DNAJC10: variants seen among roughly 807,000 people sequenced by gnomAD.
DNAJC10 encodes DnaJ heat shock protein family (Hsp40) member C10.
DNAJC10 carries 101 observed loss-of-function variants against 115.0 expected under a neutral mutation model. That is an observed-to-expected ratio of 0.88 (90% confidence interval 0.75 to 1.04). The LOEUF is 1.04. Ranked by LOEUF, DNAJC10 falls within the 50% of genes least tolerant of loss-of-function variation. The pLI, the probability that DNAJC10 is intolerant of heterozygous loss-of-function variation, is 0.00. For synonymous variants in DNAJC10, 307 were observed against 301.5 expected (o/e 1.02, Z -0.19); for missense variants, 981 against 928.8 (o/e 1.06, Z -0.73).
rs181259027 is a variant in DNAJC10 at position 182,752,857 on chromosome 2, A to C, written c.1551+669A>C. ...CAGTATGGGAGAACTTTACAGGACA[A>C]ATACCCAGTATATACATTGTATATA... is the stretch of plus-strand genomic sequence containing the variant. On this transcript the variant is annotated intron_variant, in intron 16 of 23. Transcript: ENST00000264065. 1.2e-4 allele frequency among the ~76,000 whole-genome samples: 18 copies of C among 152,296 alleles called. 1 individual carries two copies. The highest frequency in any genetic ancestry group is 1.2e-3 in the Admixed American group (18 of 15,294).
rs1163977509 is a variant in DNAJC10, at chr2:182,784,464, A to C, written c.*7332A>C. On this transcript the variant is annotated 3_prime_UTR_variant, in exon 24 of 24. Transcript: ENST00000264065. ...GTGTCTTATTCCCTGCAGTGTTGGCAGAACCTAGCACATTGTTGACCCGTA... is the reference window on the plus strand; with the variant it reads ...GTGTCTTATTCCCTGCAGTGTTGGCCGAACCTAGCACATTGTTGACCCGTA... 6.6e-6 allele frequency: 1 copy of C among 152,196 alleles called. No individual in the cohort carries two copies. Among genetic ancestry groups the C allele is most frequent in the African/African-American group, 2.4e-5 (1 of 41,456 alleles). The allele number at this position is 152,196 out of a possible 1,614,324, so 9.4% of individuals were successfully genotyped here.
At position 182,759,262 on chromosome 2, in the gene DNAJC10, T is replaced by G; in HGVS notation, c.2100T>G (p.Cys700Trp). The G allele has an allele frequency of 6.2e-7, 1 of 1,610,974 alleles. No individual in the cohort carries two copies. Among genetic ancestry groups the G allele is most frequent in the Non-Finnish European group, 8.5e-7 (1 of 1,179,384 alleles). Reference sequence around the variant, plus strand: ...TGATTGATTTCTATGCTCCTTGGTGTGGACCTTGCCAGAATTTTGCTCCAG... The same window carrying G: ...TGATTGATTTCTATGCTCCTTGGTGGGGACCTTGCCAGAATTTTGCTCCAG... ...HWVIDFYAPW[C>W]GPCQNFAPEF... Residue 700 changes from cysteine to tryptophan, a missense_variant, in exon 21 of 24, where the codon TGT becomes TGG. Transcript: ENST00000264065.
chr2:182,754,786 C>T, intron 16 of DNAJC10: 2 of 1,290,706 alleles, frequency 1.5e-6, no homozygotes, highest in Non-Finnish European at 2.0e-6. Flanking sequence ...GCGAATGGAG[C>T]AGCTATAAAT....
rs563860965 is a variant in DNAJC10 at position 182,729,760 on chromosome 2, A to G, written c.634-88A>G. Reference sequence around the variant, plus strand: ...GAGCTTTGCTGCATTATTCAAGATAATGTAAAAATCAAACTCTTTGGTATT... The same window carrying G: ...GAGCTTTGCTGCATTATTCAAGATAGTGTAAAAATCAAACTCTTTGGTATT... On this transcript the variant is annotated intron_variant, in intron 7 of 23. Coordinates refer to ENST00000264065, the MANE Select transcript of DNAJC10 (RefSeq NM_018981.4). The G allele has an allele frequency of 3.8e-6, 3 of 782,068 alleles. No homozygotes were observed. In the South Asian group the frequency reaches 5.7e-5, roughly 15 times the overall value. The allele number at this position is 782,068 out of a possible 1,614,324, so 48.4% of individuals were successfully genotyped here. A position where few individuals can be genotyped will look rare whatever the true frequency, so the allele number is the denominator to read the frequency against.
intron 11 of DNAJC10, among the ~76,000 whole-genome samples, chr2:182,738,062 A>G (rs1216423389): frequency 1.3e-5 from 2 of 152,230 alleles, no homozygotes; most frequent in Non-Finnish European, 2.9e-5. Flanking sequence ...TTATCATTTT[A>G]TAAATGAATA....
At chr2:182,775,633 C>CA in intron 23 of DNAJC10, among the ~76,000 whole-genome samples, 1 of 152,096 alleles carries the variant, frequency 6.6e-6, no homozygotes, top group South Asian at 2.1e-4. Flanking sequence ...AACCACTTAA[C>CA]AAAAAATAGT....
At chr2:182,776,853 A>C (rs1163946657) in intron 23 of DNAJC10, among the ~76,000 whole-genome samples, 1 of 152,204 alleles carries the variant, frequency 6.6e-6, no homozygotes, top group Non-Finnish European at 1.5e-5. Context: ...CATACCTGAA[A>C]TTAAGTTAAA....
chr2:182,755,590 T>C (rs1694138098), intron 17 of DNAJC10, among the ~76,000 whole-genome samples: 1 of 152,312 alleles, frequency 6.6e-6, no homozygotes. Flanking sequence ...ACGTAATGTT[T>C]TGTCTTGTTT....
Position 182,777,489 on chromosome 2 carries a change from C to A in DNAJC10, c.*357C>A. 1 of 161,152 alleles carries A rather than the reference C, an allele frequency of 6.2e-6. No individual in the cohort carries two copies. Among genetic ancestry groups the A allele is most frequent in the Non-Finnish European group, 1.4e-5 (1 of 74,034 alleles). 10.0% of individuals were successfully genotyped at this position (161,152 alleles called of 1,614,324 possible). On this transcript the variant is annotated 3_prime_UTR_variant, in exon 24 of 24. Transcript: ENST00000264065. ...AGTAGGCTGGATTCAGTCCATGGAC[C>A]ATAGATTGCTGTCCCCCTCGACGGA...
chr2:182,773,443 C>G (rs111286521), intron 22 of DNAJC10, among the ~76,000 whole-genome samples: 7 of 152,284 alleles, frequency 4.6e-5, no homozygotes, highest in African/African-American at 1.4e-4. Context: ...TGGTTCCATT[C>G]TCCCCATCAC....
intron 21 of DNAJC10, among the ~76,000 whole-genome samples, chr2:182,762,473 C>T (rs921964764): frequency 6.6e-6 from 1 of 151,920 alleles, no homozygotes; most frequent in Non-Finnish European, 1.5e-5. Context: ...CTTGATGAGG[C>T]AAAGGAGGGT....
In DNAJC10 at chr2:182,792,824, C is replaced by T. The variant is rs1695076198; in HGVS notation, c.*15692C>T. The T allele has an allele frequency of 6.6e-6, 1 of 152,194 alleles. No individual in the cohort carries two copies. Among genetic ancestry groups the T allele is most frequent in the South Asian group, 2.1e-4 (1 of 4,832 alleles). 9.4% of individuals were successfully genotyped at this position (152,194 alleles called of 1,614,324 possible). A position where few individuals can be genotyped will look rare whatever the true frequency, so the allele number is the denominator to read the frequency against. On this transcript the variant is annotated 3_prime_UTR_variant, in exon 24 of 24. Coordinates refer to ENST00000264065, the MANE Select transcript of DNAJC10 (RefSeq NM_018981.4). The stretch of plus-strand genomic sequence containing the variant: ...CATTTATTTGAGTACTTACAATGTG[C>T]TAGGCTTTGTTCTATGCATTTAAGA...
chr2:182,754,907 ATCTTGT>A (rs1338830714), intron 16 of DNAJC10, 90 bp from the exon 17 acceptor site: 9 of 1,299,262 alleles, frequency 6.9e-6, no homozygotes, highest in African/African-American at 1.5e-5. Flanking sequence ...GGTTTTTAAA[ATCTTGT>A]TCTTGTTACT....
At chr2:182,736,534 C>G in intron 11 of DNAJC10, 148 bp downstream of exon 11, 1 of 465,064 alleles carries the variant, frequency 2.2e-6, no homozygotes, top group Non-Finnish European at 3.5e-6. Flanking sequence ...TACTTAATTT[C>G]TGAGATTCTT....
rs1339487176 is a variant in DNAJC10 at position 182,779,952 on chromosome 2, G to C, written c.*2820G>C. 1 of 152,100 alleles carries C rather than the reference G, an allele frequency of 6.6e-6. No homozygotes were observed. Among genetic ancestry groups the C allele is most frequent in the Non-Finnish European group, 1.5e-5 (1 of 68,010 alleles). 9.4% of individuals were successfully genotyped at this position (152,100 alleles called of 1,614,324 possible). On this transcript the variant is annotated 3_prime_UTR_variant, in exon 24 of 24. Coordinates refer to ENST00000264065, the MANE Select transcript of DNAJC10 (RefSeq NM_018981.4). ...GTCCTTAAATCTGCCAACAAAACCAGATAGATGTCTTAAAGTAGGCACATT... is the reference window on the plus strand; with the variant it reads ...GTCCTTAAATCTGCCAACAAAACCACATAGATGTCTTAAAGTAGGCACATT...
At chr2:182,762,180 G>C (rs1043786107) in intron 21 of DNAJC10, among the ~76,000 whole-genome samples, 3 of 150,606 alleles carry the variant, frequency 2.0e-5, no homozygotes, top group Admixed American at 2.0e-4. Context: ...AAGAGAGAGA[G>C]CGTGAGAAGC....
chr2:182,745,656 A>G lies in DNAJC10; in HGVS notation c.1306+1944A>G, dbSNP rs917820967. Among the ~76,000 whole-genome samples the G allele has an allele frequency of 3.3e-5, 5 of 152,112 alleles. No homozygotes were observed. The South Asian group carries it at 8.3e-4, about 25-fold the overall frequency. On this transcript the variant is annotated intron_variant, in intron 14 of 23. Coordinates refer to ENST00000264065, the MANE Select transcript of DNAJC10 (RefSeq NM_018981.4). ...TCTAATACAAAGAACATTGTGGACT[A>G]TTAGGGAAAACAGACAAGTAAACTA...
At chr2:182,730,579 A>G (rs1265331392) in intron 8 of DNAJC10, 1 of 452,382 alleles carries the variant, frequency 2.2e-6, no homozygotes, top group Non-Finnish European at 4.4e-6. Flanking sequence ...GTTGGGGAAA[A>G]GAGAAAGAGT....
chr2:182,722,141 GAT>G (rs1261742620), intron 5 of DNAJC10, 66 bp downstream of exon 5: 2 of 1,096,676 alleles, frequency 1.8e-6, no homozygotes, highest in African/African-American at 3.3e-5. Flanking sequence ...AACTCTAGGG[GAT>G]ATATATGTTT....
Sources: allele counts gnomAD v4.1 joint callset (sites outside exome capture counted in the v4.1 genomes callset), GRCh38; gene constraint gnomAD v4.1.1; transcripts MANE v1.5; gene names NCBI Gene and HGNC (gene_info 2026-07-23, HGNC 2026-07-21).